ERG: variants seen among roughly 807,000 people sequenced by gnomAD.
The protein encoded by ERG is transcriptional regulator ERG.
A neutral mutation model predicts 55.3 loss-of-function variants in ERG; 9 were observed. The observed-to-expected ratio is 0.16, with a 90% CI of 0.10 to 0.28. ERG has a LOEUF of 0.28. ERG is among the 10% of genes least tolerant of loss of function. ERG has a pLI of 1.00. For missense variants in ERG, 434 were observed against 631.6 expected (o/e 0.69, Z 3.35); for synonymous variants, 223 against 237.3 (o/e 0.94, Z 0.55).
chr21:38,607,614 G>A (rs1049255657), intron 1 of ERG, among the ~76,000 whole-genome samples: 3 of 152,090 alleles, frequency 2.0e-5, no homozygotes, highest in Non-Finnish European at 2.9e-5. Flanking sequence ...ACTCCAGCCT[G>A]GGCGACAGAG....
chr21:38,458,634 G>A (rs1436262494), intron 1 of ERG, among the ~76,000 whole-genome samples: 1 of 152,090 alleles, frequency 6.6e-6, no homozygotes, highest in Non-Finnish European at 1.5e-5. Flanking sequence ...TCTCGCAAAC[G>A]TTCAGTCTAG....
Position 38,446,350 on chromosome 21 carries a change from C to T in ERG, c.19-729G>A, listed in dbSNP as rs575380706. Among the ~76,000 whole-genome samples the T allele has an allele frequency of 5.9e-5, 9 of 151,410 alleles. No homozygotes were observed. In the South Asian group the frequency reaches 1.0e-3, roughly 18 times the overall value. ...TCCCCTTACTTTCAATTAATATCTTCGCTCTTTTGCATGATTTGGTGAGAA... is the reference window on the plus strand; with the variant it reads ...TCCCCTTACTTTCAATTAATATCTTTGCTCTTTTGCATGATTTGGTGAGAA... On this transcript the variant is annotated intron_variant, in intron 1 of 9. Transcript: ENST00000288319.
At chr21:38,430,921 C>G (rs1223283590) in intron 2 of ERG, among the ~76,000 whole-genome samples, 1 of 152,024 alleles carries the variant, frequency 6.6e-6, no homozygotes, top group Non-Finnish European at 1.5e-5. Flanking sequence ...CACAGGAACA[C>G]AGAAATAGTG....
chr21:38,441,698 A>T (rs971039226), intron 2 of ERG, among the ~76,000 whole-genome samples: 39 of 152,136 alleles, frequency 2.6e-4, no homozygotes, highest in Admixed American at 1.9e-3. Flanking sequence ...CCCCTGGAAC[A>T]TCCTTGTGGG....
rs1472434896 is a variant in ERG, at chr21:38,460,100, G to A, written c.19-14479C>T. On this transcript the variant is annotated intron_variant, in intron 1 of 9. Coordinates refer to ENST00000288319, the MANE Select transcript of ERG (RefSeq NM_182918.4). The surrounding 1 kb of genome is among the most constrained non-coding windows in gnomAD (Gnocchi z 5.0). ...AGGAGGGGAGGGTGTGAGCCCCCAT[G>A]CATTCATGAAGAATAGGCCTTCCAG... Among the ~76,000 whole-genome samples the A allele has an allele frequency of 6.6e-6, 1 of 152,184 alleles. No homozygotes were observed. The highest frequency in any genetic ancestry group is 1.5e-5 in the Non-Finnish European group (1 of 68,044).
intron 1 of ERG, among the ~76,000 whole-genome samples, chr21:38,640,101 A>G (rs765236804): frequency 6.6e-6 from 1 of 152,230 alleles, no homozygotes; most frequent in Non-Finnish European, 1.5e-5. Context: ...GTAAGTACTT[A>G]GAAAAACCAA....
At chr21:38,512,282 A>C (rs2059518292) in intron 2 of ERG, among the ~76,000 whole-genome samples, 1 of 152,264 alleles carries the variant, frequency 6.6e-6, no homozygotes, top group South Asian at 2.1e-4. Context: ...GGGCCTAGCC[A>C]GATAACAACA....
At chr21:38,384,597 C>T (rs1184903611) in intron 9 of ERG, among the ~76,000 whole-genome samples, 1 of 152,018 alleles carries the variant, frequency 6.6e-6, no homozygotes, top group Non-Finnish European at 1.5e-5. Flanking sequence ...TTTTGTGAAG[C>T]ACAAAGTACT....
At chr21:38,577,478 G>A (rs1184150202) in intron 1 of ERG, among the ~76,000 whole-genome samples, 1 of 152,002 alleles carries the variant, frequency 6.6e-6, no homozygotes, top group Non-Finnish European at 1.5e-5. Context: ...AAGTCCCTCT[G>A]GGGGATGAGA....
At chr21:38,446,802 A>G (rs2058896505) in intron 1 of ERG, among the ~76,000 whole-genome samples, 1 of 152,128 alleles carries the variant, frequency 6.6e-6, no homozygotes, top group Non-Finnish European at 1.5e-5. Flanking sequence ...TGAGACCCAG[A>G]AAGGTCTAGA....
chr21:38,596,889 A>C (rs1263851554), intron 1 of ERG, among the ~76,000 whole-genome samples: 1 of 149,464 alleles, frequency 6.7e-6, no homozygotes, highest in South Asian at 2.2e-4. Context: ...AGACTCAGAC[A>C]TCACACCACC....
chr21:38,485,401 A>G lies in ERG; in HGVS notation c.18+12962T>C, dbSNP rs150879026. ...ATTAATAAGTAAAAAAAGTTATAGT[A>G]ATCTAATATGAATTTACTATTGAAG... On this transcript the variant is annotated intron_variant, in intron 1 of 9. Coordinates refer to ENST00000288319, the MANE Select transcript of ERG (RefSeq NM_182918.4). 5.7e-3 allele frequency among the ~76,000 whole-genome samples: 870 copies of G among 152,210 alleles called. 8 individuals are homozygous for G. The highest frequency in any genetic ancestry group is 0.021 in the Admixed American group (314 of 15,286).
Position 38,386,789 on chromosome 21 carries a change from A to ATT in ERG, c.920-2868_920-2867dup, listed in dbSNP as rs34882520. 8.1e-5 allele frequency among the ~76,000 whole-genome samples: 12 copies of ATT among 148,376 alleles called. No individual in the cohort carries two copies. In the East Asian group the frequency reaches 2.0e-3, roughly 24 times the overall value. ...TTTCTTGGGTAAACCCTTCAGATCT[A>ATT]TTTTTTTTTTTTACTCTCTCTTAAT... is the stretch of plus-strand genomic sequence containing the variant. On this transcript the variant is annotated intron_variant, in intron 9 of 9. Transcript: ENST00000288319.
At chr21:38,415,414 C>T (rs974364591) in intron 3 of ERG, among the ~76,000 whole-genome samples, 4 of 152,164 alleles carry the variant, frequency 2.6e-5, no homozygotes, top group Non-Finnish European at 5.9e-5. Context: ...ACATTTAACC[C>T]AATGGTGGTT....
At chr21:38,496,308 G>T (rs1327856589) in intron 1 of ERG, among the ~76,000 whole-genome samples, 1 of 152,192 alleles carries the variant, frequency 6.6e-6, no homozygotes, top group Non-Finnish European at 1.5e-5. Flanking sequence ...AAAACAGAGT[G>T]CATTGAGACT....
At chr21:38,503,370 T>TC (rs1395146168), upstream of ERG, among the ~76,000 whole-genome samples, 1 of 150,108 alleles carries the variant, frequency 6.7e-6, no homozygotes, top group African/African-American at 2.4e-5. Flanking sequence ...ATAGAGCTCT[T>TC]TTTTTTTTTC....
At chr21:38,497,801 C>T (rs950934683) in intron 1 of ERG, among the ~76,000 whole-genome samples, 1 of 152,084 alleles carries the variant, frequency 6.6e-6, no homozygotes, top group Non-Finnish European at 1.5e-5. Context: ...ACCAAATTAC[C>T]CCCATTTGAG....
intron 1 of ERG, among the ~76,000 whole-genome samples, chr21:38,491,102 A>C (rs542027499): frequency 6.6e-6 from 1 of 152,152 alleles, no homozygotes; most frequent in Non-Finnish European, 1.5e-5. Context: ...TGGGACATCT[A>C]CCTCAAATTG....
At chr21:38,648,852 G>A (rs1015439540) in intron 1 of ERG, among the ~76,000 whole-genome samples, 1 of 152,228 alleles carries the variant, frequency 6.6e-6, no homozygotes, top group African/African-American at 2.4e-5. Flanking sequence ...GTCCCTGGGT[G>A]TGTTGACTGC....
Sources: gnomAD v4.1 joint callset for allele counts (sites outside exome capture counted in the v4.1 genomes callset) on GRCh38, gnomAD v4.1.1 for gene constraint, Gnocchi (gnomAD v3.1) non-coding constraint, MANE v1.5 for transcripts, NCBI Gene and HGNC (gene_info 2026-07-23, HGNC 2026-07-21) for gene names.